Variants in RPAP2 observed in about 807,000 individuals in gnomAD.
RPAP2 encodes putative RNA polymerase II subunit B1 CTD phosphatase RPAP2.
Under a neutral mutation model 73.1 loss-of-function variants are expected in RPAP2, and 52 were observed. That is an observed-to-expected ratio of 0.71 (90% confidence interval 0.57 to 0.90). The LOEUF is 0.90. Ranked by LOEUF, RPAP2 falls within the 40% of genes least tolerant of loss-of-function variation. RPAP2 has a pLI of 0.00. For missense variants in RPAP2, 598 were observed against 701.8 expected, an observed-to-expected ratio of 0.85 and a Z score of 1.67; for synonymous variants, 225 against 242.1, an observed-to-expected ratio of 0.93 and a Z score of 0.65.
chr1:92,363,590 GAAC>G (rs1454264389), intron 11 of RPAP2: 3 of 160,464 alleles, frequency 1.9e-5, no homozygotes, highest in African/African-American at 7.2e-5. Flanking sequence ...ATTGACCCTT[GAAC>G]AACATGGGTT....
chr1:92,376,276 C>T (rs1427669123), intron 11 of RPAP2, among the ~76,000 whole-genome samples: 1 of 151,896 alleles, frequency 6.6e-6, no homozygotes, highest in African/African-American at 2.4e-5. Flanking sequence ...GGAGCCAATC[C>T]CCGACAGATA....
intron 10 of RPAP2, among the ~76,000 whole-genome samples, chr1:92,343,196 G>A (rs1440286695): frequency 1.3e-5 from 2 of 152,152 alleles, no homozygotes; most frequent in Non-Finnish European, 2.9e-5. Context: ...TGAAAACCTG[G>A]TAAAGAAAAT....
At position 92,299,148 on chromosome 1, in the gene RPAP2, T is replaced by C. The variant is rs895313933; in HGVS notation, c.73+2T>C. ...CCCGCTGCTCTCGAAAAGCCGCAGGTAGGAGCAAGGATCTCTTCCCACTTT... is the reference window on the plus strand; with the variant it reads ...CCCGCTGCTCTCGAAAAGCCGCAGGCAGGAGCAAGGATCTCTTCCCACTTT... On this transcript the variant is annotated splice_donor_variant, in intron 1 of 12. Transcript: ENST00000610020. LOFTEE classifies it high-confidence loss of function. 3.3e-6 allele frequency: 5 copies of C among 1,509,788 alleles called. No individual in the cohort carries two copies. Among genetic ancestry groups the C allele is most frequent in the Non-Finnish European group, 4.5e-6 (5 of 1,123,442 alleles). The allele number at this position is 1,509,788 out of a possible 1,614,324, so 93.5% of individuals were successfully genotyped here.
chr1:92,300,313 T>A (rs1650729171), intron 2 of RPAP2, 74 bp downstream of exon 2: 1 of 1,183,104 alleles, frequency 8.5e-7, no homozygotes, highest in Non-Finnish European at 1.2e-6. Flanking sequence ...TTTAAAACAA[T>A]AATGGTTACC....
chr1:92,346,308 C>T (rs1341185481), intron 11 of RPAP2, among the ~76,000 whole-genome samples: 1 of 151,916 alleles, frequency 6.6e-6, no homozygotes, highest in Non-Finnish European at 1.5e-5. Flanking sequence ...GGACTATAGT[C>T]ACACACCACC....
intron 11 of RPAP2, among the ~76,000 whole-genome samples, chr1:92,371,319 A>AAAATAT (rs1199565882): frequency 1.1e-4 from 7 of 61,730 alleles, no homozygotes; most frequent in African/African-American, 5.1e-4. Flanking sequence ...AAAAAAAAAA[A>AAAATAT]ATATATATAT....
At chr1:92,345,986 T>G in intron 11 of RPAP2, 72 bp downstream of exon 11, 1 of 1,074,300 alleles carries the variant, frequency 9.3e-7, no homozygotes, top group Admixed American at 2.0e-5. Flanking sequence ...AACAAAGTGA[T>G]CCACTGATTT....
intron 11 of RPAP2, among the ~76,000 whole-genome samples, chr1:92,369,074 G>C (rs1407475381): frequency 6.6e-6 from 1 of 152,138 alleles, no homozygotes; most frequent in Non-Finnish European, 1.5e-5. Context: ...GTCACCTTTT[G>C]AGGTTTTTAT....
intron 6 of RPAP2, among the ~76,000 whole-genome samples, chr1:92,317,439 C>T (rs889593531): frequency 2.0e-5 from 3 of 151,712 alleles, no homozygotes; most frequent in Admixed American, 6.6e-5. Flanking sequence ...ACCTGGGAGG[C>T]GGAGGTTGCA....
chr1:92,396,519 T>C lies in RPAP2; in HGVS notation c.*9508T>C, dbSNP rs1362870079. 6.6e-6 allele frequency: 1 copy of C among 152,134 alleles called. No homozygotes were observed. Among genetic ancestry groups the C allele is most frequent in the African/African-American group, 2.4e-5 (1 of 41,420 alleles). The allele number at this position is 152,134 out of a possible 1,614,324, so 9.4% of individuals were successfully genotyped here. A position where few individuals can be genotyped will look rare whatever the true frequency, so the allele number is the denominator to read the frequency against. Reference sequence around the variant, plus strand: ...AGTCCAGAAAAGGCATATACTAAATTAGCAGTTGCATGGGTCTGATGTGAA... The same window carrying C: ...AGTCCAGAAAAGGCATATACTAAATCAGCAGTTGCATGGGTCTGATGTGAA... On this transcript the variant is annotated 3_prime_UTR_variant, in exon 13 of 13. Transcript: ENST00000610020.
intron 10 of RPAP2, among the ~76,000 whole-genome samples, chr1:92,342,324 A>C (rs1295893157): frequency 6.6e-6 from 1 of 152,222 alleles, no homozygotes; most frequent in Admixed American, 6.5e-5. Context: ...AACCAGGAGC[A>C]GGCCTGGTGT....
intron 11 of RPAP2, among the ~76,000 whole-genome samples, chr1:92,348,945 C>T (rs1234950332): frequency 6.7e-6 from 1 of 150,318 alleles, no homozygotes; most frequent in African/African-American, 2.4e-5. Flanking sequence ...AATATGGAGA[C>T]TTTAGAAACC....
chr1:92,323,050 T>TTA (rs1557600247), intron 7 of RPAP2, among the ~76,000 whole-genome samples: 1 of 146,436 alleles, frequency 6.8e-6, no homozygotes, highest in African/African-American at 2.5e-5. Context: ...ATCTTTATAT[T>TTA]TATATATATA....
At chr1:92,372,301 C>T (rs1360070272) in intron 11 of RPAP2, among the ~76,000 whole-genome samples, 1 of 152,144 alleles carries the variant, frequency 6.6e-6, no homozygotes, top group Non-Finnish European at 1.5e-5. Flanking sequence ...CACTCCAGGC[C>T]CAGCCCCTTG....
chr1:92,360,694 C>A (rs1454086105), intron 11 of RPAP2, among the ~76,000 whole-genome samples: 1 of 152,156 alleles, frequency 6.6e-6, no homozygotes, highest in Admixed American at 6.5e-5. Flanking sequence ...ATTTCTCTCT[C>A]CTTGCCTTAA....
intron 10 of RPAP2, among the ~76,000 whole-genome samples, chr1:92,343,358 C>T (rs1250783462): frequency 1.3e-5 from 2 of 152,112 alleles, no homozygotes; most frequent in Admixed American, 1.3e-4. Context: ...CCTTATTTTA[C>T]CAAAGTAAGT....
chr1:92,390,968 A>T lies in RPAP2; in HGVS notation c.*3957A>T, dbSNP rs1024339567. On this transcript the variant is annotated 3_prime_UTR_variant, in exon 13 of 13. Transcript: ENST00000610020. ...TTTAACACCCCACTGTCAATATTAG[A>T]CAGATCAACAAGACAGAAAATTAAC... The T allele has an allele frequency of 2.0e-5, 3 of 152,186 alleles. No individual in the cohort carries two copies. Among genetic ancestry groups the T allele is most frequent in the Non-Finnish European group, 2.9e-5 (2 of 68,040 alleles). 9.4% of individuals were successfully genotyped at this position (152,186 alleles called of 1,614,324 possible). A position where few individuals can be genotyped will look rare whatever the true frequency, so the allele number is the denominator to read the frequency against.
chr1:92,326,496 C>G (rs1242099393), intron 8 of RPAP2, among the ~76,000 whole-genome samples: 1 of 152,090 alleles, frequency 6.6e-6, no homozygotes, highest in Non-Finnish European at 1.5e-5. Context: ...TAGGGAGGAT[C>G]AGGCTGTGGG....
intron 11 of RPAP2, among the ~76,000 whole-genome samples, chr1:92,351,115 T>C (rs953706915): frequency 2.0e-5 from 3 of 151,928 alleles, no homozygotes; most frequent in Non-Finnish European, 2.9e-5. Context: ...AAGACCATCC[T>C]GGCCAACATG....
Sources: allele counts gnomAD v4.1 joint callset (sites outside exome capture counted in the v4.1 genomes callset), GRCh38; gene constraint gnomAD v4.1.1; transcripts MANE v1.5; gene names NCBI Gene and HGNC (gene_info 2026-07-23, HGNC 2026-07-21).